Variants in EDIL3 observed in about 807,000 individuals in gnomAD.
The protein encoded by EDIL3 is EGF like and discoidin domains 3, also known as EGF-like repeat and discoidin I-like domain-containing protein 3.
EDIL3 carries 37 observed loss-of-function variants against 67.4 expected under a neutral mutation model. The ratio of observed to expected loss-of-function variants is 0.55; its 90% CI spans 0.42 to 0.72. EDIL3 has a LOEUF of 0.72. Ranked by LOEUF, EDIL3 falls within the 30% of genes least tolerant of loss-of-function variation. EDIL3 has a pLI of 0.00. For missense variants in EDIL3, 527 were observed against 586.3 expected (o/e 0.90, Z 1.04); for synonymous variants, 195 against 196.3 (o/e 0.99, Z 0.05).
chr5:84,085,835 G>A (rs1373584922), intron 6 of EDIL3, among the ~76,000 whole-genome samples: 1 of 152,188 alleles, frequency 6.6e-6, no homozygotes, highest in Non-Finnish European at 1.5e-5. Flanking sequence ...GGAGATGAAG[G>A]TTTTATCTGT....
At chr5:84,104,188 C>T (rs772007076) in intron 6 of EDIL3, among the ~76,000 whole-genome samples, 4 of 151,732 alleles carry the variant, frequency 2.6e-5, no homozygotes, top group African/African-American at 7.3e-5. Flanking sequence ...TGGGAACACA[C>T]GGACACATAG....
intron 1 of EDIL3, among the ~76,000 whole-genome samples, chr5:84,374,367 T>C (rs1747920889): frequency 6.6e-6 from 1 of 152,216 alleles, no homozygotes; most frequent in Non-Finnish European, 1.5e-5. Context: ...CAAGTCCTTA[T>C]CTGTTAAATT....
intron 9 of EDIL3, among the ~76,000 whole-genome samples, chr5:83,984,703 A>G (rs1438800508): frequency 1.3e-5 from 2 of 151,980 alleles, no homozygotes; most frequent in Non-Finnish European, 2.9e-5. Context: ...CAGGCAGATC[A>G]TTATGTTGAA....
intron 9 of EDIL3, among the ~76,000 whole-genome samples, chr5:84,040,222 A>C (rs1394893547): frequency 6.6e-6 from 1 of 152,176 alleles, no homozygotes; most frequent in Non-Finnish European, 1.5e-5. Context: ...AAAATCCTAC[A>C]AATTGCACAT....
At chr5:83,949,051 CTA>C (rs1259173121) in intron 10 of EDIL3, among the ~76,000 whole-genome samples, 1 of 151,730 alleles carries the variant, frequency 6.6e-6, no homozygotes, top group African/African-American at 2.4e-5. Flanking sequence ...GAATTATATT[CTA>C]AGAGGGTCAC....
At chr5:83,970,788 A>G (rs1435165891) in intron 9 of EDIL3, among the ~76,000 whole-genome samples, 2 of 150,798 alleles carry the variant, frequency 1.3e-5, no homozygotes, top group Non-Finnish European at 3.0e-5. Context: ...TTTCTTCTAG[A>G]AATTAATAGT....
intron 4 of EDIL3, among the ~76,000 whole-genome samples, chr5:84,141,068 A>G (rs1051530520): frequency 5.3e-5 from 8 of 152,086 alleles, no homozygotes; most frequent in African/African-American, 1.9e-4. Flanking sequence ...AATAAATAAC[A>G]TACACCTATC....
chr5:84,309,666 C>T (rs1281247675), intron 1 of EDIL3, among the ~76,000 whole-genome samples: 1 of 152,118 alleles, frequency 6.6e-6, no homozygotes, highest in Non-Finnish European at 1.5e-5. Context: ...CTACAAAGGA[C>T]ATGAACTCAT....
intron 9 of EDIL3, among the ~76,000 whole-genome samples, chr5:84,002,972 G>A (rs1745356811): frequency 6.6e-6 from 1 of 152,196 alleles, no homozygotes; most frequent in Non-Finnish European, 1.5e-5. Flanking sequence ...TCCACTGACA[G>A]AGGCTTTGTG....
chr5:84,225,955 TA>T, intron 3 of EDIL3, among the ~76,000 whole-genome samples: 1 of 151,784 alleles, frequency 6.6e-6, no homozygotes. Flanking sequence ...TTTTTGGCAG[TA>T]AAAAACGCTA....
In EDIL3 at chr5:84,319,494, CA is replaced by C. The variant is rs55738450; in HGVS notation, c.67+64813del. 4.4e-3 allele frequency among the ~76,000 whole-genome samples: 188 copies of C among 42,840 alleles called. 2 individuals are homozygous for C. The highest frequency in any genetic ancestry group is 0.024 in the East Asian group (42 of 1,784). The allele number at this position is 42,840 out of a possible 152,430, so 28.1% of individuals were successfully genotyped here. A position where few individuals can be genotyped will look rare whatever the true frequency, so the allele number is the denominator to read the frequency against. ...AAAAAAAACAAAAAACAAAAAACAA[CA>C]AAAAAAAAAAAAAAAAAAAAAAAAA... On this transcript the variant is annotated intron_variant, in intron 1 of 10. Transcript: ENST00000296591.
intron 3 of EDIL3, among the ~76,000 whole-genome samples, chr5:84,196,182 ATTACT>A (rs1743699909): frequency 7.2e-5 from 11 of 151,984 alleles, no homozygotes; most frequent in Admixed American, 5.9e-4. Flanking sequence ...ATTTATTGAT[ATTACT>A]TTGCAAAAAA....
At chr5:84,126,693 G>T (rs1747875363) in intron 5 of EDIL3, among the ~76,000 whole-genome samples, 6 of 152,032 alleles carry the variant, frequency 3.9e-5, no homozygotes, top group Admixed American at 3.9e-4. Flanking sequence ...TTAAATTTCA[G>T]TCATCCAATA....
chr5:84,094,726 C>T (rs894475460), intron 6 of EDIL3, among the ~76,000 whole-genome samples: 2 of 152,144 alleles, frequency 1.3e-5, no homozygotes, highest in African/African-American at 4.8e-5. Context: ...ATTTGTACTA[C>T]AGAAATTTAT....
At chr5:84,140,398 T>G (rs188762105) in intron 4 of EDIL3, among the ~76,000 whole-genome samples, 161 of 152,294 alleles carry the variant, frequency 1.1e-3, no homozygotes, top group African/African-American at 3.7e-3. Context: ...TGCTGTTTTT[T>G]GCCTCCTTAA....
At chr5:84,254,612 T>C (rs1745093759) in intron 1 of EDIL3, among the ~76,000 whole-genome samples, 3 of 152,232 alleles carry the variant, frequency 2.0e-5, no homozygotes, top group South Asian at 4.1e-4. Context: ...CAGGAGTTTA[T>C]TTCTGGATCC....
At chr5:84,109,530 CA>C (rs1747522459) in intron 5 of EDIL3, among the ~76,000 whole-genome samples, 1 of 151,608 alleles carries the variant, frequency 6.6e-6, no homozygotes, top group Non-Finnish European at 1.5e-5. Context: ...AACAAAAAAG[CA>C]AAACAAAAAA....
At chr5:84,106,453 T>C (rs568272400) in intron 6 of EDIL3, among the ~76,000 whole-genome samples, 196 bp downstream of exon 6, 33 of 152,126 alleles carry the variant, frequency 2.2e-4, no homozygotes, top group Non-Finnish European at 3.2e-4. Context: ...TTGATCTCTT[T>C]AACTAACTTC....
intron 9 of EDIL3, among the ~76,000 whole-genome samples, chr5:83,984,230 G>T (rs1211577065): frequency 6.6e-6 from 1 of 152,060 alleles, no homozygotes; most frequent in Admixed American, 6.6e-5. Flanking sequence ...ATACTATATG[G>T]AGTATGTGTA....
Sources: allele counts gnomAD v4.1 joint callset (sites outside exome capture counted in the v4.1 genomes callset), GRCh38; gene constraint gnomAD v4.1.1; transcripts MANE v1.5; gene names NCBI Gene and HGNC (gene_info 2026-07-23, HGNC 2026-07-21).